The following CACNG5 variants were observed in gnomAD, a reference collection of about 807,000 sequenced individuals.
CACNG5 encodes the protein calcium voltage-gated channel auxiliary subunit gamma 5.
A neutral mutation model predicts 24.8 loss-of-function variants in CACNG5; 18 were observed. The observed-to-expected ratio is 0.73, with a 90% CI of 0.50 to 1.08. The LOEUF (loss-of-function observed/expected upper bound fraction) is 1.08, where lower values mean the gene tolerates loss of function less well. Among genes scored for constraint, CACNG5 ranks in the 50% least tolerant of loss-of-function variants. The pLI is 0.00. For synonymous variants in CACNG5, 157 were observed against 149.1 expected, an observed-to-expected ratio of 1.05 and a Z score of -0.39; for missense variants, 349 against 367.9, an observed-to-expected ratio of 0.95 and a Z score of 0.42.
chr17:66,880,548 G>T lies in CACNG5; in HGVS notation c.284-9G>T. ...GGCTGACAGGCCGCCCTTTTGTCCC[G>T]TTAATTAGAGATGATCCGCTCAGCC... On this transcript the variant is annotated splice_polypyrimidine_tract_variant and intron_variant, in intron 3 of 5. Coordinates refer to ENST00000533854, the MANE Select transcript of CACNG5 (RefSeq NM_145811.3). The T allele has an allele frequency of 6.2e-7, 1 of 1,614,122 alleles. No homozygotes were observed. Among genetic ancestry groups the T allele is most frequent in the Admixed American group, 1.7e-5 (1 of 60,028 alleles).
At chr17:66,840,699 T>C (rs1278650064) in intron 1 of CACNG5, among the ~76,000 whole-genome samples, 1 of 152,124 alleles carries the variant, frequency 6.6e-6, no homozygotes. Context: ...ACCTCCCCAA[T>C]AACTCTCACT....
In CACNG5 at chr17:66,892,191, T is replaced by C. The variant is rs1440367882; in HGVS notation, c.*6951T>C. 2.0e-5 allele frequency among the ~76,000 whole-genome samples: 3 copies of C among 152,246 alleles called. No homozygotes were observed. In the East Asian group the frequency reaches 5.8e-4, roughly 29 times the overall value. ...AGGGACCTCCCCCCACTCCTCGCTC[T>C]GTCTCAGCCTGCACCAGCCCCACCT... is the stretch of plus-strand genomic sequence containing the variant. On this transcript the variant is annotated 3_prime_UTR_variant, in exon 6 of 6. Coordinates refer to ENST00000533854, the MANE Select transcript of CACNG5 (RefSeq NM_145811.3).
intron 1 of CACNG5, among the ~76,000 whole-genome samples, chr17:66,848,538 A>C (rs370414086): frequency 9.2e-5 from 14 of 152,254 alleles, no homozygotes; most frequent in African/African-American, 1.4e-4. Flanking sequence ...CTGAGGACAA[A>C]CCTCTACAGA....
intron 1 of CACNG5, among the ~76,000 whole-genome samples, chr17:66,867,790 A>G (rs1976950976): frequency 6.6e-6 from 1 of 151,966 alleles, no homozygotes; most frequent in African/African-American, 2.4e-5. Context: ...TAGATGTGTG[A>G]TCTTATTTCT....
intron 1 of CACNG5, among the ~76,000 whole-genome samples, chr17:66,838,027 G>A (rs568608775): frequency 7.9e-5 from 12 of 151,974 alleles, no homozygotes; most frequent in African/African-American, 2.2e-4. Flanking sequence ...CAAAAGCATC[G>A]TTTCTTTTCA....
chr17:66,857,176 G>A (rs1245125798), intron 1 of CACNG5, among the ~76,000 whole-genome samples: 1 of 138,758 alleles, frequency 7.2e-6, no homozygotes, highest in Non-Finnish European at 1.5e-5. Context: ...CTCCTACCTA[G>A]CCTCTCAAGT....
chr17:66,868,926 T>C (rs972861113), intron 1 of CACNG5, among the ~76,000 whole-genome samples: 7 of 151,976 alleles, frequency 4.6e-5, no homozygotes, highest in Admixed American at 4.6e-4. Flanking sequence ...GGATGGAAAA[T>C]AAAATTCTGC....
chr17:66,862,892 C>CTCTCTCTCTGTGTGTG lies in CACNG5; in HGVS notation c.-103-14337_-103-14336insCTCTCTCTGTGTGTGT, dbSNP rs567913804. Among the ~76,000 whole-genome samples, 4 of 142,260 alleles carry CTCTCTCTCTGTGTGTG rather than the reference C, an allele frequency of 2.8e-5. 1 individual carries two copies. The highest frequency in any genetic ancestry group is 1.4e-4 in the Admixed American group (2 of 14,210). The allele number at this position is 142,260 out of a possible 152,430, so 93.3% of individuals were successfully genotyped here. On this transcript the variant is annotated intron_variant, in intron 1 of 5. Coordinates refer to ENST00000533854, the MANE Select transcript of CACNG5 (RefSeq NM_145811.3). ...ACAACCTTGTCTGCCAGCATATTCT[C>CTCTCTCTCTGTGTGTG]TGTGTGTGTGTGTGTGTGTGTGTGT...
intron 1 of CACNG5, among the ~76,000 whole-genome samples, chr17:66,846,146 T>C (rs1976635836): frequency 6.6e-6 from 1 of 152,184 alleles, no homozygotes; most frequent in Non-Finnish European, 1.5e-5. Flanking sequence ...CATAATTGCT[T>C]ATATGCATAC....
chr17:66,892,553 C>T lies in CACNG5; in HGVS notation c.*7313C>T, dbSNP rs990939539. On this transcript the variant is annotated 3_prime_UTR_variant, in exon 6 of 6. Coordinates refer to ENST00000533854, the MANE Select transcript of CACNG5 (RefSeq NM_145811.3). ...TCAGCAGTTGTGAAAAAGAACAAGG[C>T]TCAAAGGCTTTAGAGGTTTCTGATT... Among the ~76,000 whole-genome samples the T allele has an allele frequency of 1.1e-4, 16 of 152,194 alleles. No homozygotes were observed. The highest frequency in any genetic ancestry group is 2.0e-4 in the Admixed American group (3 of 15,286).
intron 1 of CACNG5, among the ~76,000 whole-genome samples, chr17:66,845,565 T>C (rs931576411): frequency 6.6e-6 from 1 of 151,992 alleles, no homozygotes; most frequent in African/African-American, 2.4e-5. Flanking sequence ...TGTTCCCCAA[T>C]TAGGGGTCCT....
At chr17:66,839,322 A>C (rs1976531631) in intron 1 of CACNG5, among the ~76,000 whole-genome samples, 1 of 152,122 alleles carries the variant, frequency 6.6e-6, no homozygotes. Flanking sequence ...CCTGGGAGGC[A>C]AAGTAGTCTG....
chr17:66,844,265 C>G (rs751875552), intron 1 of CACNG5, among the ~76,000 whole-genome samples: 9 of 152,176 alleles, frequency 5.9e-5, no homozygotes, highest in Admixed American at 1.3e-4. Context: ...CTTGGGAATT[C>G]AAACCTGTGC....
intron 1 of CACNG5, among the ~76,000 whole-genome samples, chr17:66,861,544 T>C (rs3848412): frequency 0.69 from 105,079 of 152,132 alleles, 37,258 homozygotes; most frequent in African/African-American, 0.84. Flanking sequence ...GGGGTGCAGA[T>C]ATACATGGGT....
intron 1 of CACNG5, among the ~76,000 whole-genome samples, chr17:66,842,834 T>G (rs1381096132): frequency 6.6e-6 from 1 of 152,152 alleles, no homozygotes; most frequent in Non-Finnish European, 1.5e-5. Context: ...CCAGGTGATG[T>G]GCCTACAAGG....
intron 1 of CACNG5, among the ~76,000 whole-genome samples, chr17:66,852,966 C>T (rs921837553): frequency 1.3e-5 from 2 of 150,738 alleles, no homozygotes; most frequent in South Asian, 2.1e-4. Flanking sequence ...CTCCTTCTCT[C>T]CTCCTTCTCT....
chr17:66,881,402 AC>A (rs1305737703), intron 4 of CACNG5, among the ~76,000 whole-genome samples: 1 of 151,584 alleles, frequency 6.6e-6, no homozygotes, highest in Non-Finnish European at 1.5e-5. Flanking sequence ...TGGGTCCTTT[AC>A]CCCCCATCCC....
Position 66,887,826 on chromosome 17 carries a change from C to A in CACNG5, c.*2586C>A, listed in dbSNP as rs1008167541. ...TTTACACGCATCTTAGGAACAGGTT[C>A]TCGGTCATTACCTGTTTGGGGGTGG... is the stretch of plus-strand genomic sequence containing the variant. On this transcript the variant is annotated 3_prime_UTR_variant, in exon 6 of 6. Transcript: ENST00000533854. Among the ~76,000 whole-genome samples, 3 of 152,142 alleles carry A rather than the reference C, an allele frequency of 2.0e-5. No individual in the cohort carries two copies. Among genetic ancestry groups the A allele is most frequent in the African/African-American group, 7.2e-5 (3 of 41,420 alleles).
At position 66,887,370 on chromosome 17, in the gene CACNG5, C is replaced by T. The variant is rs1568075329; in HGVS notation, c.*2130C>T. On this transcript the variant is annotated 3_prime_UTR_variant, in exon 6 of 6. Transcript: ENST00000533854. Reference sequence around the variant, plus strand: ...GGCTCTCTGTTGCTTTTGTATGTGACTTTTCAATCCTTGCCTATAAACTGA... The same window carrying T: ...GGCTCTCTGTTGCTTTTGTATGTGATTTTTCAATCCTTGCCTATAAACTGA... Among the ~76,000 whole-genome samples, 1 of 132,328 alleles carries T rather than the reference C, an allele frequency of 7.6e-6. No homozygotes were observed. Among genetic ancestry groups the T allele is most frequent in the Non-Finnish European group, 1.6e-5 (1 of 64,386 alleles). The allele number at this position is 132,328 out of a possible 152,430, so 86.8% of individuals were successfully genotyped here. A position where few individuals can be genotyped will look rare whatever the true frequency, so the allele number is the denominator to read the frequency against.
Sources: allele counts gnomAD v4.1 joint callset (sites outside exome capture counted in the v4.1 genomes callset), GRCh38; gene constraint gnomAD v4.1.1; transcripts MANE v1.5; gene names NCBI Gene and HGNC (gene_info 2026-07-23, HGNC 2026-07-21).